The following POLQ variants were observed in gnomAD, a reference collection of about 807,000 sequenced individuals.
POLQ encodes the protein epididymis secretory sperm binding protein.
In POLQ, 233 loss-of-function variants were observed where a neutral mutation model predicts 259.2. The ratio of observed to expected loss-of-function variants is 0.90; its 90% CI spans 0.81 to 1.00. The LOEUF is 1.00. Among genes scored for constraint, POLQ ranks in the 50% least tolerant of loss-of-function variants. POLQ has a pLI of 0.00. For missense variants in POLQ, 2,871 were observed against 3,051.6 expected (o/e 0.94, Z 1.39); for synonymous variants, 1,025 against 1,048.8 (o/e 0.98, Z 0.44).
Position 121,485,197 on chromosome 3 carries a change from A to G in POLQ, c.5630-13T>C. 2 of 1,523,572 alleles carry G rather than the reference A, an allele frequency of 1.3e-6. No individual in the cohort carries two copies. Among genetic ancestry groups the G allele is most frequent in the Non-Finnish European group, 1.8e-6 (2 of 1,121,336 alleles). 94.4% of individuals were successfully genotyped at this position (1,523,572 alleles called of 1,614,324 possible). ...TGAGGTGAGCTAGCTAAGTAAAACA[A>G]AAGTGAAACAGTTAAAAATCTCTAA... On this transcript the variant is annotated splice_polypyrimidine_tract_variant and intron_variant, in intron 16 of 29. Coordinates refer to ENST00000264233, the MANE Select transcript of POLQ (RefSeq NM_199420.4).
At position 121,490,415 on chromosome 3, in the gene POLQ, A is replaced by G. The variant is rs748702113; in HGVS notation, c.2523-7T>C. ...ATCCACTGCCTTCCGGGCACTACAC[A>G]AGGAGATGGGAAAAGACAGAAATGA... On this transcript the variant is annotated splice_polypyrimidine_tract_variant and splice_region_variant and intron_variant, in intron 15 of 29. Transcript: ENST00000264233. 6.2e-7 allele frequency: 1 copy of G among 1,608,012 alleles called. No individual in the cohort carries two copies. The highest frequency in any genetic ancestry group is 8.5e-7 in the Non-Finnish European group (1 of 1,175,050).
chr3:121,474,612 T>C (rs2047911552), intron 20 of POLQ, among the ~76,000 whole-genome samples: 1 of 152,220 alleles, frequency 6.6e-6, no homozygotes, highest in South Asian at 2.1e-4. Context: ...GAAGGGAAGA[T>C]AATCCCTGTA....
chr3:121,538,656 C>T (rs375765025), intron 4 of POLQ, among the ~76,000 whole-genome samples: 1 of 151,222 alleles, frequency 6.6e-6, no homozygotes, highest in East Asian at 1.9e-4. Flanking sequence ...GGAAATAGCA[C>T]TTACTACGAG....
intron 9 of POLQ, 112 bp from the exon 10 acceptor site, chr3:121,512,141 G>A: frequency 3.7e-6 from 3 of 815,646 alleles, no homozygotes; most frequent in South Asian, 2.0e-5. Context: ...AGATGATAGT[G>A]GTTGTTATGG....
chr3:121,544,820 AT>A lies in POLQ; in HGVS notation c.249del (p.Lys83AsnfsTer7). The part of the protein sequence containing the change: ...NWGLPKAVLE[K>X]YHSFGVKKMF... Reference sequence around the variant, plus strand: ...ATCTTTTTTACACCAAAACTGTGGTATTTTTCCAGAACTGCTTTAGGAAGTC... The same window carrying A: ...ATCTTTTTTACACCAAAACTGTGGTATTTTCCAGAACTGCTTTAGGAAGTC... On this transcript the variant is annotated frameshift_variant, in exon 2 of 30. Transcript: ENST00000264233. LOFTEE classifies it high-confidence loss of function. 1 of 1,612,666 alleles carries A rather than the reference AT, an allele frequency of 6.2e-7. No homozygotes were observed. Among genetic ancestry groups the A allele is most frequent in the African/African-American group, 1.3e-5 (1 of 75,016 alleles).
At chr3:121,538,916 T>C (rs1378434293) in intron 4 of POLQ, among the ~76,000 whole-genome samples, 1 of 152,136 alleles carries the variant, frequency 6.6e-6, no homozygotes, top group Non-Finnish European at 1.5e-5. Context: ...TACCTCTACA[T>C]AATGGCCTTT....
intron 19 of POLQ, among the ~76,000 whole-genome samples, chr3:121,477,391 G>T (rs984612317): frequency 4.6e-5 from 7 of 151,978 alleles, no homozygotes; most frequent in Admixed American, 2.0e-4. Flanking sequence ...ATGTCTATAG[G>T]TATATATGAA....
At chr3:121,436,058 C>T (rs547168568) in intron 28 of POLQ, 64 bp downstream of exon 28, 11 of 1,290,104 alleles carry the variant, frequency 8.5e-6, no homozygotes, top group African/African-American at 1.5e-5. Flanking sequence ...AAATACTTCC[C>T]ATTTACATTT....
Position 121,537,152 on chromosome 3 carries a change from G to T in POLQ, c.688C>A (p.Leu230Met). 1 of 1,607,928 alleles carries T rather than the reference G, an allele frequency of 6.2e-7. No homozygotes were observed. The highest frequency in any genetic ancestry group is 8.5e-7 in the Non-Finnish European group (1 of 1,174,574). The change falls in exon 5 of 30, where the codon CTG becomes ATG. Residue 230 changes from leucine to methionine, a missense_variant. Leu to Met is a conservative substitution (Grantham distance 15, BLOSUM62 2). Coordinates refer to ENST00000264233, the MANE Select transcript of POLQ (RefSeq NM_199420.4). The part of the protein sequence containing the change: ...MLGDSHRGYL[L>M]ELLLTKICYI... ...CAAATCTTGGTCAGCAAAAGTTCCA[G>T]CAGATACCCTCGGTGAGAGTCTCCC...
At position 121,488,047 on chromosome 3, in the gene POLQ, T is replaced by C. The variant is rs1427773483; in HGVS notation, c.4884A>G (p.Ser1628=). The part of the protein sequence containing the change: ...SKLTGTRQNH[S]FIWSGASFDL... ...CAAATGATGCCCCTGACCATATGAA[T>C]GAATGATTTTGCCTGGTCCCAGTTA... The change falls in exon 16 of 30, where the codon TCA becomes TCG. Residue 1628 remains serine (S), a synonymous_variant. Coordinates refer to ENST00000264233, the MANE Select transcript of POLQ (RefSeq NM_199420.4). 3 of 1,614,030 alleles carry C rather than the reference T, an allele frequency of 1.9e-6. No individual in the cohort carries two copies. Among genetic ancestry groups the C allele is most frequent in the Non-Finnish European group, 1.7e-6 (2 of 1,179,924 alleles).
chr3:121,526,890 T>TGC lies in POLQ; in HGVS notation c.1108+2753_1108+2754dup, dbSNP rs1553822342. ...GTGTCTCTGTATGTGTGTGTGTGTG[T>TGC]GCGCGCGCGCACGCACGTGCATCTG... is the stretch of plus-strand genomic sequence containing the variant. On this transcript the variant is annotated intron_variant, in intron 7 of 29. Transcript: ENST00000264233. Among the ~76,000 whole-genome samples the TGC allele has an allele frequency of 4.2e-3, 639 of 151,458 alleles. 4 individuals are homozygous for TGC. The highest frequency in any genetic ancestry group is 0.01 in the Middle Eastern group (3 of 292).
chr3:121,438,799 T>G (rs1560083389), intron 27 of POLQ, among the ~76,000 whole-genome samples: 1 of 152,216 alleles, frequency 6.6e-6, no homozygotes, highest in Non-Finnish European at 1.5e-5. Flanking sequence ...AAGTTACTAG[T>G]TCACTTAGAG....
At chr3:121,459,135 A>C (rs2047768470) in intron 25 of POLQ, among the ~76,000 whole-genome samples, 1 of 152,136 alleles carries the variant, frequency 6.6e-6, no homozygotes, top group South Asian at 2.1e-4. Context: ...AGAAACTAAC[A>C]TGGATCCATT....
intron 12 of POLQ, 121 bp downstream of exon 12, chr3:121,509,440 G>T: frequency 1.3e-6 from 1 of 751,916 alleles, no homozygotes; most frequent in Non-Finnish European, 2.1e-6. Flanking sequence ...ATTCCCACCA[G>T]TACTAACCTA....
In POLQ at chr3:121,481,226, C is replaced by T. The variant is rs932319108; in HGVS notation, c.6211+346G>A. Among the ~76,000 whole-genome samples, 6 of 152,154 alleles carry T rather than the reference C, an allele frequency of 3.9e-5. 1 individual carries two copies. Among genetic ancestry groups the T allele is most frequent in the Admixed American group, 2.0e-4 (3 of 15,274 alleles). On this transcript the variant is annotated intron_variant, in intron 19 of 29. Transcript: ENST00000264233. ...AAAATTACCAACAACTGCATAAATGCGATTTTGTAATTCTCTTCTTCACAC... is the reference window on the plus strand; with the variant it reads ...AAAATTACCAACAACTGCATAAATGTGATTTTGTAATTCTCTTCTTCACAC...
chr3:121,468,192 G>A (rs1194260218), intron 23 of POLQ, 113 bp downstream of exon 23: 1 of 837,716 alleles, frequency 1.2e-6, no homozygotes, highest in Admixed American at 2.6e-5. Flanking sequence ...ACAGAAATGG[G>A]TATGTCTGAA....
chr3:121,521,985 A>G lies in POLQ; in HGVS notation c.1255+18T>C. The G allele has an allele frequency of 6.5e-7, 1 of 1,533,894 alleles. No homozygotes were observed. Among genetic ancestry groups the G allele is most frequent in the Non-Finnish European group, 8.8e-7 (1 of 1,140,846 alleles). ...GGAATTTTGGAGGTTTCTTAATAAC[A>G]TTATAAATATGAAATACCTGCATGA... is the stretch of plus-strand genomic sequence containing the variant. On this transcript the variant is annotated intron_variant, in intron 8 of 29. Coordinates refer to ENST00000264233, the MANE Select transcript of POLQ (RefSeq NM_199420.4).
rs200881849 is a variant in POLQ at position 121,487,695 on chromosome 3, T to A, written c.5236A>T (p.Lys1746Ter). The part of the protein sequence containing the change: ...PPTPIPTSAS[K>*]LTFPGILETP... ...TCAAGAATCCCTGGAAATGTCAGCT[T>A]AGAAGCAGATGTTGGAATGGGTGTA... Residue 1746 changes from lysine to a stop codon, truncating the protein, a stop_gained, in exon 16 of 30, where the codon AAG becomes TAG. Transcript: ENST00000264233. LOFTEE classifies it high-confidence loss of function. 6.2e-7 allele frequency: 1 copy of A among 1,613,978 alleles called. No homozygotes were observed. The highest frequency in any genetic ancestry group is 8.5e-7 in the Non-Finnish European group (1 of 1,179,872).
intron 24 of POLQ, among the ~76,000 whole-genome samples, chr3:121,463,575 T>C (rs1266972062): frequency 6.6e-6 from 1 of 152,176 alleles, no homozygotes; most frequent in Non-Finnish European, 1.5e-5. Flanking sequence ...GCTTAATTAA[T>C]ATTCTGAATA....
Sources: allele counts gnomAD v4.1 joint callset (sites outside exome capture counted in the v4.1 genomes callset), GRCh38; gene constraint gnomAD v4.1.1; transcripts MANE v1.5; gene names NCBI Gene and HGNC (gene_info 2026-07-23, HGNC 2026-07-21).